Variants in AMN observed in about 807,000 individuals in gnomAD.
AMN encodes the protein amnion associated transmembrane protein, also known as protein amnionless.
Under a neutral mutation model 49.1 loss-of-function variants are expected in AMN, and 40 were observed. That is an observed-to-expected ratio of 0.81 (90% CI 0.63 to 1.06). The LOEUF is 1.06. Ranked by LOEUF, AMN falls within the 50% of genes least tolerant of loss-of-function variation. The pLI is 0.00. For synonymous variants in AMN, 380 were observed against 313.3 expected (o/e 1.21, Z -2.25); for missense variants, 701 against 662.8 (o/e 1.06, Z -0.63).
intron 1 of AMN, 72 bp from the exon 2 acceptor site, chr14:102,923,633 CTTCTCT>C: frequency 7.5e-7 from 1 of 1,333,918 alleles, no homozygotes; most frequent in South Asian, 1.2e-5. Flanking sequence ...ACCTTCCGCA[CTTCTCT>C]GGGTGGGTGG....
Position 102,930,737 on chromosome 14 carries a change from T to TG in AMN, c.*62dup. The stretch of plus-strand genomic sequence containing the variant: ...CCACCCGCTCTGGCCCCAGTCGAAC[T>TG]GGGGGCTAGCCACCTCCTCGTCCAG... On this transcript the variant is annotated 3_prime_UTR_variant, in exon 12 of 12. Transcript: ENST00000299155. 1 of 1,520,730 alleles carries TG rather than the reference T, an allele frequency of 6.6e-7. No homozygotes were observed. The highest frequency in any genetic ancestry group is 8.9e-7 in the Non-Finnish European group (1 of 1,125,700). The allele number at this position is 1,520,730 out of a possible 1,614,324, so 94.2% of individuals were successfully genotyped here.
In AMN at chr14:102,929,975, C is replaced by G; in HGVS notation, c.895C>G (p.Arg299Gly). The part of the protein sequence containing the change: ...VAVSKVPRSS[R>G]LREADTEIQV... ...CGTGTCCAAGGTGCCACGCTCGTCC[C>G]GGCTCCGTGAGGCCGATACGGAGAT... is the stretch of plus-strand genomic sequence containing the variant. The change falls in exon 9 of 12, where the codon CGG becomes GGG. Residue 299 changes from arginine (R) to glycine (G), a missense_variant. Physicochemically the swap from Arg to Gly is moderately radical, Grantham distance 125. Transcript: ENST00000299155. 1 of 1,564,860 alleles carries G rather than the reference C, an allele frequency of 6.4e-7. No homozygotes were observed. Among genetic ancestry groups the G allele is most frequent in the Non-Finnish European group, 8.7e-7 (1 of 1,155,754 alleles).
chr14:102,923,971 TCA>T lies in AMN; in HGVS notation c.200_201del (p.Ser67Ter). On this transcript the variant is annotated frameshift_variant, in exon 3 of 12. Coordinates refer to ENST00000299155, the MANE Select transcript of AMN (RefSeq NM_030943.4). LOFTEE classifies it high-confidence loss of function. Reference sequence around the variant, plus strand: ...CCTGGTGCAAGAAGGTCACGCCGTCTCAGACATGGTAAGGCCGGGCTGCTACT... The same window carrying T: ...CCTGGTGCAAGAAGGTCACGCCGTCTGACATGGTAAGGCCGGGCTGCTACT... ...SVLVQEGHAV[S>X]DMLLPLDGEL... 6.2e-7 allele frequency: 1 copy of T among 1,613,222 alleles called. No individual in the cohort carries two copies. Among genetic ancestry groups the T allele is most frequent in the Non-Finnish European group, 8.5e-7 (1 of 1,179,994 alleles).
chr14:102,928,314 C>A, intron 3 of AMN, 112 bp from the exon 4 acceptor site: 2 of 980,684 alleles, frequency 2.0e-6, no homozygotes, highest in South Asian at 1.4e-5. Flanking sequence ...CTCGCCCGGG[C>A]TCCTTCCGTG....
chr14:102,922,753 G>A (rs1329199091), intron 1 of AMN, 22 bp downstream of exon 1: 17 of 1,573,316 alleles, frequency 1.1e-5, no homozygotes, highest in East Asian at 6.9e-5. Context: ...CCACACCGGT[G>A]CGGGCCCGGA....
intron 3 of AMN, among the ~76,000 whole-genome samples, 162 bp from the exon 4 acceptor site, chr14:102,928,264 C>T (rs527570014): frequency 7.0e-4 from 107 of 152,368 alleles, no homozygotes; most frequent in African/African-American, 2.5e-3. Flanking sequence ...GATCCGCTTC[C>T]TCTGCCAGCC....
At chr14:102,924,881 C>T (rs535731849) in intron 3 of AMN, among the ~76,000 whole-genome samples, 54 of 151,598 alleles carry the variant, frequency 3.6e-4, no homozygotes, top group Admixed American at 8.6e-4. Context: ...GAGCAAGGAA[C>T]GGTTTTTACA....
intron 3 of AMN, 100 bp from the exon 4 acceptor site, chr14:102,928,326 A>C (rs1247285841): frequency 8.9e-7 from 1 of 1,122,406 alleles, no homozygotes; most frequent in East Asian, 2.6e-5. Flanking sequence ...CCTTCCGTGC[A>C]CAGGGTCTCG....
At chr14:102,928,327 C>A in intron 3 of AMN, 99 bp from the exon 4 acceptor site, 2 of 1,136,134 alleles carry the variant, frequency 1.8e-6, no homozygotes, top group Non-Finnish European at 2.5e-6. Flanking sequence ...CTTCCGTGCA[C>A]AGGGTCTCGG....
chr14:102,924,121 T>G, intron 3 of AMN, 142 bp downstream of exon 3: 24 of 1,194,592 alleles, frequency 2.0e-5, no homozygotes, highest in Non-Finnish European at 2.7e-5. Flanking sequence ...GAGAATATTC[T>G]AGGAGGCAGG....
chr14:102,925,291 C>G (rs910028736), intron 3 of AMN, among the ~76,000 whole-genome samples: 18 of 152,254 alleles, frequency 1.2e-4, no homozygotes, highest in South Asian at 4.1e-4. Flanking sequence ...TGGGCTTGGC[C>G]TGGCCCATTC....
Position 102,925,405 on chromosome 14 carries a change from C to T in AMN, c.207+1426C>T, listed in dbSNP as rs989753593. ...AGCTGCCTTAACCCAAAAGCTGCCA[C>T]ACACTGGGGAGGGCACCCACAGCAA... On this transcript the variant is annotated intron_variant, in intron 3 of 11. Transcript: ENST00000299155. Among the ~76,000 whole-genome samples the T allele has an allele frequency of 3.9e-5, 6 of 152,208 alleles. No individual in the cohort carries two copies. The East Asian group carries it at 1.2e-3, about 29-fold the overall frequency.
rs543606080 is a variant in AMN at position 102,930,837 on chromosome 14, C to T, written c.*157C>T. ...GTGGCCTTACTCAGTAAAGGTGTTTCCTGCACCTGCTGTCAGCCTGGCTAT... is the reference window on the plus strand; with the variant it reads ...GTGGCCTTACTCAGTAAAGGTGTTTTCTGCACCTGCTGTCAGCCTGGCTAT... On this transcript the variant is annotated 3_prime_UTR_variant, in exon 12 of 12. Transcript: ENST00000299155. The T allele has an allele frequency of 1.2e-6, 1 of 829,194 alleles. No individual in the cohort carries two copies. The highest frequency in any genetic ancestry group is 2.2e-5 in the Admixed American group (1 of 46,184). 51.4% of individuals were successfully genotyped at this position (829,194 alleles called of 1,614,324 possible).
In AMN at chr14:102,922,735, A is replaced by C. The variant is rs1270071331; in HGVS notation, c.43+4A>C. The C allele has an allele frequency of 1.9e-6, 3 of 1,585,738 alleles. No individual in the cohort carries two copies. Among genetic ancestry groups the C allele is most frequent in the Non-Finnish European group, 2.6e-6 (3 of 1,170,142 alleles). On this transcript the variant is annotated splice_donor_region_variant and intron_variant, in intron 1 of 11. Transcript: ENST00000299155. ...CTGCTGTGGCTGCAGCTCTGCGGTG[A>C]GCCGGGACCACACCGGTGCGGGCCC...
chr14:102,926,680 G>A lies in AMN; in HGVS notation c.208-1746G>A, dbSNP rs965361101. Among the ~76,000 whole-genome samples, 18 of 143,410 alleles carry A rather than the reference G, an allele frequency of 1.3e-4. No homozygotes were observed. In the Admixed American group the frequency reaches 1.3e-3, roughly 10 times the overall value. The allele number at this position is 143,410 out of a possible 152,430, so 94.1% of individuals were successfully genotyped here. On this transcript the variant is annotated intron_variant, in intron 3 of 11. Coordinates refer to ENST00000299155, the MANE Select transcript of AMN (RefSeq NM_030943.4). ...CGGCTCAGTGCAACCTCTGCCTCCC[G>A]GGCTCAAGCGATTCTCCTGCCTGAG...
rs116464826 is a variant in AMN, at chr14:102,922,957, C to G, written c.43+226C>G. 2.0e-3 allele frequency: 1,168 copies of G among 582,446 alleles called. 10 individuals carry two copies. The highest frequency in any genetic ancestry group is 0.013 in the African/African-American group (666 of 51,092). The allele number at this position is 582,446 out of a possible 1,614,324, so 36.1% of individuals were successfully genotyped here. ...GCGGTGCGGGAGAGGAGAGGAGGGG[C>G]TCCGGGAACCTCGGCCAGCCCCGGC... On this transcript the variant is annotated intron_variant, in intron 1 of 11. Transcript: ENST00000299155.
At chr14:102,926,679 C>T (rs545540267) in intron 3 of AMN, among the ~76,000 whole-genome samples, 214 of 150,430 alleles carry the variant, frequency 1.4e-3, no homozygotes, top group African/African-American at 4.8e-3. Context: ...CTCTGCCTCC[C>T]GGGCTCAAGC....
Position 102,930,661 on chromosome 14 carries a change from G to GGGCCGA in AMN, c.1354_1359dup (p.Glu452_Ala453dup), listed in dbSNP as rs763564473. On this transcript the variant is annotated inframe_insertion, in exon 12 of 12. Transcript: ENST00000299155. ...TACTTCGTCAACCCTCTGTTCGCCG[G>GGGCCGA]GGCCGAGGCCGAGGCCTGAGCGGCC... is the stretch of plus-strand genomic sequence containing the variant. 445 of 1,595,034 alleles carry GGGCCGA rather than the reference G, an allele frequency of 2.8e-4. 2 individuals are homozygous for GGGCCGA. Among genetic ancestry groups the GGGCCGA allele is most frequent in the Middle Eastern group, 1.6e-3 (9 of 5,722 alleles).
intron 3 of AMN, among the ~76,000 whole-genome samples, chr14:102,924,783 C>T (rs995937822): frequency 3.3e-5 from 5 of 152,202 alleles, no homozygotes; most frequent in Non-Finnish European, 7.3e-5. Flanking sequence ...GTATTAAAGG[C>T]TCTGATAAGG....
Sources: gnomAD v4.1 joint callset for allele counts (sites outside exome capture counted in the v4.1 genomes callset) on GRCh38, gnomAD v4.1.1 for gene constraint, MANE v1.5 for transcripts, NCBI Gene and HGNC (gene_info 2026-07-23, HGNC 2026-07-21) for gene names.